Variants in SLCO1C1 observed in about 807,000 individuals in gnomAD.
The protein encoded by SLCO1C1 is OAT-RP-5.
SLCO1C1 carries 70 observed loss-of-function variants against 76.4 expected under a neutral mutation model. That is an observed-to-expected ratio of 0.92 (90% CI 0.76 to 1.12). SLCO1C1 has a LOEUF of 1.12. SLCO1C1 is among the 50% of genes most tolerant of loss of function. The probability of loss-of-function intolerance (pLI) is 0.00; values close to 1 mark genes in which losing one functional copy is unlikely to be tolerated. For synonymous variants in SLCO1C1, 306 were observed against 286.1 expected, an observed-to-expected ratio of 1.07 and a Z score of -0.70; for missense variants, 912 against 823.8, an observed-to-expected ratio of 1.11 and a Z score of -1.31.
At chr12:20,745,994 T>G (rs555459225) in intron 13 of SLCO1C1, among the ~76,000 whole-genome samples, 48 of 152,262 alleles carry the variant, frequency 3.2e-4, no homozygotes, top group Middle Eastern at 6.8e-3. Flanking sequence ...CGACACTTAA[T>G]CTGTGATATC....
chr12:20,698,580 TATACTC>T (rs1401091481), intron 1 of SLCO1C1, among the ~76,000 whole-genome samples: 1 of 152,116 alleles, frequency 6.6e-6, no homozygotes, highest in African/African-American at 2.4e-5. Flanking sequence ...GTCAAGGTGA[TATACTC>T]AGTCAGAATA....
At chr12:20,710,200 CTTTTTTTTTTT>C (rs914645913) in intron 4 of SLCO1C1, among the ~76,000 whole-genome samples, 1 of 75,484 alleles carries the variant, frequency 1.3e-5, no homozygotes, top group Non-Finnish European at 2.3e-5. Flanking sequence ...CTCTACTTTT[CTTTTTTTTTTT>C]TTTTTTTTTT....
intron 9 of SLCO1C1, among the ~76,000 whole-genome samples, chr12:20,732,361 G>C (rs181033387): frequency 6.6e-6 from 1 of 152,232 alleles, no homozygotes; most frequent in Admixed American, 6.5e-5. Flanking sequence ...GGAAAATTCA[G>C]TGTGATAATA....
chr12:20,724,031 G>C (rs1304824713), intron 9 of SLCO1C1, among the ~76,000 whole-genome samples: 1 of 152,054 alleles, frequency 6.6e-6, no homozygotes, highest in Non-Finnish European at 1.5e-5. Flanking sequence ...ATTTTTCTAT[G>C]ATAATCTTGG....
intron 13 of SLCO1C1, among the ~76,000 whole-genome samples, chr12:20,748,974 C>T (rs139847815): frequency 2.7e-4 from 41 of 152,272 alleles, no homozygotes; most frequent in Middle Eastern, 3.4e-3. Flanking sequence ...TATAATTTGA[C>T]ACTTCGAGAT....
intron 9 of SLCO1C1, among the ~76,000 whole-genome samples, chr12:20,726,459 G>A (rs1219214559): frequency 6.6e-6 from 1 of 151,910 alleles, no homozygotes; most frequent in African/African-American, 2.4e-5. Flanking sequence ...TTAAATGTTA[G>A]CCACATTCTT....
intron 3 of SLCO1C1, 35 bp downstream of exon 3, chr12:20,701,494 C>G (rs374689276): frequency 2.0e-5 from 28 of 1,421,278 alleles, no homozygotes; most frequent in Non-Finnish European, 2.5e-5. Context: ...TAATTTTAAG[C>G]CCAAGATCTT....
At chr12:20,701,735 G>A (rs1180223345) in intron 3 of SLCO1C1, among the ~76,000 whole-genome samples, 1 of 151,804 alleles carries the variant, frequency 6.6e-6, no homozygotes, top group African/African-American at 2.4e-5. Context: ...TTGGAGGAAA[G>A]GGTGAGATGC....
At chr12:20,720,390 A>G (rs1947605987) in intron 7 of SLCO1C1, among the ~76,000 whole-genome samples, 1 of 152,212 alleles carries the variant, frequency 6.6e-6, no homozygotes, top group South Asian at 2.1e-4. Context: ...CGTATTTCAC[A>G]AAGCTATAGC....
chr12:20,705,892 G>T, intron 3 of SLCO1C1, 57 bp from the exon 4 acceptor site: 1 of 1,546,918 alleles, frequency 6.5e-7, no homozygotes. Flanking sequence ...ATTCAGTTAT[G>T]CTGTTGACTT....
At chr12:20,696,097 C>A (rs1056343685) in intron 1 of SLCO1C1, among the ~76,000 whole-genome samples, 1 of 152,006 alleles carries the variant, frequency 6.6e-6, no homozygotes, top group African/African-American at 2.4e-5. Context: ...TCTAATATTA[C>A]GTTTGTTGGG....
Position 20,708,401 on chromosome 12 carries a change from A to G in SLCO1C1, c.404+2320A>G, listed in dbSNP as rs529145488. On this transcript the variant is annotated intron_variant, in intron 4 of 14. Transcript: ENST00000266509. ...TGCCCTCACAGATCTTCTGAGGAGG[A>G]GACAGAAAATAAACAGATAAATACA... Among the ~76,000 whole-genome samples, 11 of 152,286 alleles carry G rather than the reference A, an allele frequency of 7.2e-5. No homozygotes were observed. The South Asian group carries it at 1.9e-3, about 26-fold the overall frequency.
At chr12:20,710,855 C>CT (rs1361012944) in intron 4 of SLCO1C1, among the ~76,000 whole-genome samples, 1 of 151,984 alleles carries the variant, frequency 6.6e-6, no homozygotes, top group Non-Finnish European at 1.5e-5. Flanking sequence ...AAGTTGAATA[C>CT]TTTTTCACCT....
At chr12:20,718,733 C>T (rs997191478) in intron 7 of SLCO1C1, among the ~76,000 whole-genome samples, 4 of 152,074 alleles carry the variant, frequency 2.6e-5, no homozygotes, top group Non-Finnish European at 5.9e-5. Flanking sequence ...AGGTTTTGAG[C>T]CTTCAAAATT....
In SLCO1C1 at chr12:20,716,493, A is replaced by T. The variant is rs141429891; in HGVS notation, c.677-639A>T. On this transcript the variant is annotated intron_variant, in intron 6 of 14. Transcript: ENST00000266509. ...TGGTGAAATGAAAAACAGATTGGAG[A>T]TATTTGGAAGGGAAGAACTACCTTT... 5.3e-5 allele frequency among the ~76,000 whole-genome samples: 8 copies of T among 152,296 alleles called. No individual in the cohort carries two copies. In the East Asian group the frequency reaches 1.5e-3, roughly 29 times the overall value.
At chr12:20,746,970 GTAC>G (rs1190949418) in intron 13 of SLCO1C1, among the ~76,000 whole-genome samples, 1 of 151,768 alleles carries the variant, frequency 6.6e-6, no homozygotes, top group African/African-American at 2.4e-5. Context: ...ACTTGAATAT[GTAC>G]TACATTTTAG....
intron 11 of SLCO1C1, among the ~76,000 whole-genome samples, chr12:20,739,798 T>C (rs1029215810): frequency 2.6e-5 from 4 of 152,150 alleles, no homozygotes; most frequent in African/African-American, 4.8e-5. Flanking sequence ...CTTTACTTAC[T>C]GGGTGGAAAG....
chr12:20,716,034 G>A (rs866152685), intron 6 of SLCO1C1, among the ~76,000 whole-genome samples: 2 of 152,064 alleles, frequency 1.3e-5, no homozygotes, highest in Non-Finnish European at 1.5e-5. Flanking sequence ...CATCAGTCTC[G>A]ATTTCTTGAA....
intron 13 of SLCO1C1, among the ~76,000 whole-genome samples, chr12:20,748,495 T>G (rs1364447879): frequency 6.6e-6 from 1 of 152,162 alleles, no homozygotes; most frequent in Non-Finnish European, 1.5e-5. Context: ...CACAATACCA[T>G]TCTCACACTT....
Sources: gnomAD v4.1 joint callset for allele counts (sites outside exome capture counted in the v4.1 genomes callset) on GRCh38, gnomAD v4.1.1 for gene constraint, MANE v1.5 for transcripts, NCBI Gene and HGNC (gene_info 2026-07-23, HGNC 2026-07-21) for gene names.